The following ALLC variants were observed in gnomAD, a reference collection of about 807,000 sequenced individuals.
The protein encoded by ALLC is probable inactive allantoicase.
Under a neutral mutation model 45.0 loss-of-function variants are expected in ALLC, and 40 were observed. That is an observed-to-expected ratio of 0.89 (90% CI 0.69 to 1.16). ALLC has a LOEUF of 1.16. ALLC is among the 50% of genes most tolerant of loss of function. ALLC has a pLI of 0.00. For missense variants in ALLC, 488 were observed against 493.1 expected (o/e 0.99, Z 0.10); for synonymous variants, 176 against 178.1 (o/e 0.99, Z 0.09).
intron 1 of ALLC, among the ~76,000 whole-genome samples, chr2:3,659,536 G>A (rs1172282369): frequency 6.6e-6 from 1 of 152,244 alleles, no homozygotes; most frequent in African/African-American, 2.4e-5. Flanking sequence ...AGGGGTTGCA[G>A]CAATGAGCTT....
chr2:3,660,539 AT>A lies in ALLC; in HGVS notation c.-63+2255del, dbSNP rs1037174006. 2.8e-3 allele frequency among the ~76,000 whole-genome samples: 419 copies of A among 150,528 alleles called. 4 individuals carry two copies. Among genetic ancestry groups the A allele is most frequent in the African/African-American group, 9.9e-3 (406 of 40,966 alleles). On this transcript the variant is annotated intron_variant, in intron 1 of 11. Transcript: ENST00000252505. ...CCAAAGAAACAGCCCTTGAATATCA[AT>A]TTTTTTTTTCTTCTCGGCAAGACCA...
upstream of ALLC, among the ~76,000 whole-genome samples, chr2:3,653,582 G>C (rs1029156923): frequency 6.6e-6 from 1 of 152,156 alleles, no homozygotes; most frequent in Non-Finnish European, 1.5e-5. This position sits in a 1 kb window ranked among gnomAD's most constrained non-coding sequence, Gnocchi z 4.1. Flanking sequence ...ATCACAGTTT[G>C]TTGGGGGATT....
rs1273349274 is a variant in ALLC, at chr2:3,701,596, T to C, written c.935T>C (p.Leu312Pro). ...EEAVIRQKWI[L>P]PAHKWKPLLP... ...GCCGTGATCAGGCAAAAGTGGATTC[T>C]CCCGGCCCACAAGTGGAAACCACTG... is the stretch of plus-strand genomic sequence containing the variant. The change falls in exon 11 of 12, where the codon CTC (leucine) becomes CCC (proline). Residue 312 changes from leucine (L) to proline (P), a missense_variant. By Grantham distance (98) the Leu-to-Pro change is moderately conservative. Coordinates refer to ENST00000252505, the MANE Select transcript of ALLC (RefSeq NM_018436.4). 5 of 1,610,750 alleles carry C rather than the reference T, an allele frequency of 3.1e-6. No homozygotes were observed. The highest frequency in any genetic ancestry group is 4.2e-6 in the Non-Finnish European group (5 of 1,178,650).
At chr2:3,679,109 A>C (rs1667105969) in intron 4 of ALLC, among the ~76,000 whole-genome samples, 1 of 152,214 alleles carries the variant, frequency 6.6e-6, no homozygotes, top group Admixed American at 6.5e-5. Context: ...AAAAGCAAAC[A>C]AATCCAGGCA....
the ALLC span, among the ~76,000 whole-genome samples, chr2:3,646,973 AGTCCTCAGTG>A: frequency 6.6e-6 from 1 of 152,210 alleles, no homozygotes; most frequent in Middle Eastern, 3.4e-3. Context: ...TGAATGGGCA[AGTCCTCAGTG>A]GTCCCCACTT....
chr2:3,697,123 C>T (rs143789811), intron 9 of ALLC, among the ~76,000 whole-genome samples: 1 of 152,130 alleles, frequency 6.6e-6, no homozygotes, highest in Non-Finnish European at 1.5e-5. Context: ...TTTAGAAAAA[C>T]GTATCTGGGA....
the ALLC span, among the ~76,000 whole-genome samples, chr2:3,649,243 CT>C: frequency 6.0e-3 from 841 of 140,396 alleles, 7 homozygotes; most frequent in African/African-American, 0.014. Context: ...CCAAACACTT[CT>C]TTTTTTTTTT....
At chr2:3,666,922 C>G (rs1352478389) in intron 1 of ALLC, among the ~76,000 whole-genome samples, 1 of 152,206 alleles carries the variant, frequency 6.6e-6, no homozygotes, top group Non-Finnish European at 1.5e-5. Context: ...GCCTAGGGAG[C>G]ACACAAAATG....
intron 7 of ALLC, among the ~76,000 whole-genome samples, chr2:3,683,995 T>C (rs1216296982): frequency 2.6e-5 from 4 of 152,076 alleles, no homozygotes; most frequent in African/African-American, 9.7e-5. Context: ...TACCCGTTCA[T>C]TAGTTGACAG....
rs1354124250 is a variant in ALLC at position 3,695,756 on chromosome 2, A to G, written c.551A>G (p.Gln184Arg). 1.9e-6 allele frequency: 3 copies of G among 1,614,066 alleles called. No individual in the cohort carries two copies. In the South Asian group the frequency reaches 3.3e-5, roughly 18 times the overall value. The change falls in exon 8 of 12, where the codon CAA becomes CGA. Residue 184 changes from glutamine to arginine, a missense_variant. Coordinates refer to ENST00000252505, the MANE Select transcript of ALLC (RefSeq NM_018436.4). ...IARLRVFGTG[Q>R]KDWTATDPKE... ...CGACTTAGAGTATTCGGTACTGGACAAAAAGACTGGACTGCAACTGACCCC... is the reference window on the plus strand; with the variant it reads ...CGACTTAGAGTATTCGGTACTGGACGAAAAGACTGGACTGCAACTGACCCC...
At chr2:3,675,436 G>A (rs11123610) in intron 3 of ALLC, among the ~76,000 whole-genome samples, 90,190 of 149,756 alleles carry the variant, frequency 0.6, 27,932 homozygotes, top group East Asian at 0.86. Context: ...CAACAAGAGA[G>A]ATCCATGTAT....
At chr2:3,649,095 G>C in the ALLC span, among the ~76,000 whole-genome samples, 1 of 152,170 alleles carries the variant, frequency 6.6e-6, no homozygotes, top group Non-Finnish European at 1.5e-5. Context: ...ACACGTCATA[G>C]GTTCTTGGAA....
At chr2:3,668,552 C>T (rs1558535757) in intron 1 of ALLC, among the ~76,000 whole-genome samples, 1 of 141,066 alleles carries the variant, frequency 7.1e-6, no homozygotes, top group Non-Finnish European at 1.5e-5. Flanking sequence ...GTGTAATATG[C>T]ATAATGTGTA....
At chr2:3,685,758 T>A (rs1310673037) in intron 7 of ALLC, among the ~76,000 whole-genome samples, 1 of 151,090 alleles carries the variant, frequency 6.6e-6, no homozygotes, top group Non-Finnish European at 1.5e-5. Flanking sequence ...TTAAAAAATA[T>A]ACCTGTTGCC....
the ALLC span, among the ~76,000 whole-genome samples, chr2:3,646,400 G>A: frequency 6.6e-6 from 1 of 152,232 alleles, no homozygotes; most frequent in African/African-American, 2.4e-5. Flanking sequence ...ACCTGGGACT[G>A]TAAGTAGGGT....
intron 1 of ALLC, among the ~76,000 whole-genome samples, chr2:3,663,924 A>G (rs1315435644): frequency 6.6e-6 from 1 of 152,230 alleles, no homozygotes; most frequent in Non-Finnish European, 1.5e-5. Context: ...ACTTCCTAGC[A>G]TGTAAAATGT....
intron 7 of ALLC, 82 bp downstream of exon 7, chr2:3,683,156 C>A: frequency 7.1e-7 from 1 of 1,410,728 alleles, no homozygotes; most frequent in South Asian, 1.4e-5. Context: ...AAATGACTTG[C>A]TCTTTCCTTC....
intron 1 of ALLC, among the ~76,000 whole-genome samples, chr2:3,660,054 T>C (rs532077877): frequency 2.0e-5 from 3 of 152,280 alleles, no homozygotes; most frequent in East Asian, 3.9e-4. Context: ...AACCTCATGG[T>C]GCAATCAGAT....
At chr2:3,701,750 G>C in intron 11 of ALLC, 114 bp downstream of exon 11, 1 of 1,287,292 alleles carries the variant, frequency 7.8e-7, no homozygotes, top group Non-Finnish European at 1.0e-6. Flanking sequence ...ATGGTAAAAC[G>C]AATGAGGTTT....
Sources: gnomAD v4.1 joint callset for allele counts (sites outside exome capture counted in the v4.1 genomes callset) on GRCh38, gnomAD v4.1.1 for gene constraint, Gnocchi (gnomAD v3.1) non-coding constraint, MANE v1.5 for transcripts, NCBI Gene and HGNC (gene_info 2026-07-23, HGNC 2026-07-21) for gene names.